NPAS3: variants seen among roughly 807,000 people sequenced by gnomAD.
NPAS3 encodes neuronal PAS domain-containing protein 3.
Under a neutral mutation model 73.1 loss-of-function variants are expected in NPAS3, and 14 were observed. That is an observed-to-expected ratio of 0.19 (90% CI 0.13 to 0.30). The LOEUF is 0.30. Among genes scored for constraint, NPAS3 ranks in the 10% least tolerant of loss-of-function variants. The pLI is 1.00. For synonymous variants in NPAS3, 620 were observed against 541.5 expected, an observed-to-expected ratio of 1.14 and a Z score of -2.01; for missense variants, 1,096 against 1,250.0, an observed-to-expected ratio of 0.88 and a Z score of 1.86.
In NPAS3 at chr14:33,028,439, G is replaced by C. The variant is rs368897510; in HGVS notation, c.51-27466G>C. On this transcript the variant is annotated intron_variant, in intron 1 of 11. Coordinates refer to ENST00000356141, the Ensembl canonical transcript of NPAS3. ...TAGTGGGAATGATAAAAAATAACAA[G>C]TGAGTGAATGCCACCACAAAATAAA... 1.2e-3 allele frequency among the ~76,000 whole-genome samples: 184 copies of C among 152,308 alleles called. 2 individuals are homozygous for C. Among genetic ancestry groups the C allele is most frequent in the Middle Eastern group, 6.8e-3 (2 of 294 alleles).
intron 2 of NPAS3, among the ~76,000 whole-genome samples, chr14:33,062,360 T>C (rs2041138246): frequency 6.6e-6 from 1 of 152,158 alleles, no homozygotes; most frequent in South Asian, 2.1e-4. Context: ...TTGTTTTTTA[T>C]TGATAAATAT....
At chr14:33,086,107 A>G (rs2042017010) in intron 2 of NPAS3, among the ~76,000 whole-genome samples, 1 of 152,228 alleles carries the variant, frequency 6.6e-6, no homozygotes, top group Non-Finnish European at 1.5e-5. Context: ...AGGATTGGAC[A>G]TGTCATTATA....
chr14:33,337,915 C>A (rs1163430951), intron 3 of NPAS3, among the ~76,000 whole-genome samples: 5 of 150,608 alleles, frequency 3.3e-5, no homozygotes, highest in Non-Finnish European at 5.9e-5. Flanking sequence ...GTATACTGAT[C>A]TTTTGTCCTG....
chr14:33,101,325 C>A (rs1032675869), intron 2 of NPAS3, among the ~76,000 whole-genome samples: 1 of 151,956 alleles, frequency 6.6e-6, no homozygotes, highest in Non-Finnish European at 1.5e-5. Flanking sequence ...AGTTATAAAT[C>A]CTTATCTTTA....
intron 3 of NPAS3, among the ~76,000 whole-genome samples, chr14:33,240,518 A>G (rs1247324961): frequency 6.6e-6 from 1 of 151,494 alleles, no homozygotes; most frequent in Non-Finnish European, 1.5e-5. Flanking sequence ...TTAATTCATC[A>G]TCAAGCTAAA....
At chr14:32,968,814 T>C (rs571120486) in intron 1 of NPAS3, among the ~76,000 whole-genome samples, 1 of 151,900 alleles carries the variant, frequency 6.6e-6, no homozygotes, top group Non-Finnish European at 1.5e-5. Flanking sequence ...GGGGTACCTG[T>C]GCAGGGTGTG....
intron 7 of NPAS3, among the ~76,000 whole-genome samples, chr14:33,754,544 A>T (rs2062057650): frequency 6.6e-6 from 1 of 152,122 alleles, no homozygotes. Context: ...GGTCAGAGGG[A>T]GACCATGGCT....
intron 7 of NPAS3, among the ~76,000 whole-genome samples, chr14:33,738,670 T>C (rs2140670670): frequency 6.6e-6 from 1 of 152,322 alleles, no homozygotes; most frequent in Middle Eastern, 3.4e-3. Context: ...TTCCCAAATA[T>C]GAGCTGACAT....
intron 2 of NPAS3, among the ~76,000 whole-genome samples, chr14:33,212,290 C>CATTCTGA (rs1424840173): frequency 6.6e-6 from 1 of 152,110 alleles, no homozygotes; most frequent in Non-Finnish European, 1.5e-5. Flanking sequence ...ACAGTGATAT[C>CATTCTGA]ATTCTGAAAG....
chr14:33,509,740 G>A (rs1196374942), intron 4 of NPAS3, among the ~76,000 whole-genome samples: 1 of 151,914 alleles, frequency 6.6e-6, no homozygotes, highest in Admixed American at 6.6e-5. Flanking sequence ...AACTAATGTC[G>A]GGAAACCTGC....
At position 33,543,739 on chromosome 14, in the gene NPAS3, T is replaced by C. The variant is rs1566988129; in HGVS notation, c.469-16382T>C. ...TCCCACCTCTGCTTTGAACATCACCTTGAGCACTATCATTCTGCTCTATGT... is the reference window on the plus strand; with the variant it reads ...TCCCACCTCTGCTTTGAACATCACCCTGAGCACTATCATTCTGCTCTATGT... On this transcript the variant is annotated intron_variant, in intron 4 of 11. Coordinates refer to ENST00000356141, the Ensembl canonical transcript of NPAS3. Among the ~76,000 whole-genome samples, 4 of 152,046 alleles carry C rather than the reference T, an allele frequency of 2.6e-5. No homozygotes were observed. In the South Asian group the frequency reaches 8.3e-4, roughly 32 times the overall value.
At chr14:33,707,612 G>A (rs1163889627) in intron 6 of NPAS3, among the ~76,000 whole-genome samples, 4 of 152,166 alleles carry the variant, frequency 2.6e-5, no homozygotes, top group Admixed American at 6.5e-5. Context: ...GAATGCAGTC[G>A]GGTGGAAAAG....
At chr14:33,154,158 C>T (rs2044562988) in intron 2 of NPAS3, among the ~76,000 whole-genome samples, 1 of 152,288 alleles carries the variant, frequency 6.6e-6, no homozygotes, top group African/African-American at 2.4e-5. Flanking sequence ...CATTTTGGCT[C>T]CTGGAGCCTG....
intron 4 of NPAS3, among the ~76,000 whole-genome samples, chr14:33,398,550 TGGATA>T (rs1455460459): frequency 6.6e-6 from 1 of 152,086 alleles, no homozygotes; most frequent in Non-Finnish European, 1.5e-5. Context: ...TTTTGTATGA[TGGATA>T]GATAACAAGG....
chr14:33,196,927 T>A (rs889518344), intron 2 of NPAS3, among the ~76,000 whole-genome samples: 7 of 152,192 alleles, frequency 4.6e-5, no homozygotes, highest in African/African-American at 1.7e-4. Context: ...TGTGTAAGAA[T>A]TGGCCTGGTA....
intron 5 of NPAS3, among the ~76,000 whole-genome samples, chr14:33,653,973 C>G (rs2140242882): frequency 6.6e-6 from 1 of 152,292 alleles, no homozygotes; most frequent in Middle Eastern, 3.4e-3. Context: ...AAGAGAAAGT[C>G]TCCCCACCTT....
chr14:33,526,194 T>C (rs2140139544), intron 4 of NPAS3, among the ~76,000 whole-genome samples: 1 of 152,250 alleles, frequency 6.6e-6, no homozygotes, highest in East Asian at 1.9e-4. Context: ...CTCTCAGAAA[T>C]GATTTTCTTT....
chr14:33,484,784 A>G (rs2051500929), intron 4 of NPAS3, among the ~76,000 whole-genome samples: 1 of 152,198 alleles, frequency 6.6e-6, no homozygotes, highest in African/African-American at 2.4e-5. Context: ...AGCCTGGCAC[A>G]TGCATGTCAC....
At chr14:33,631,694 C>T (rs1436723944) in intron 5 of NPAS3, among the ~76,000 whole-genome samples, 2 of 152,154 alleles carry the variant, frequency 1.3e-5, no homozygotes, top group African/African-American at 2.4e-5. Context: ...AGGAATTCTG[C>T]AGGCAGCATT....
Sources: allele counts gnomAD v4.1 joint callset (sites outside exome capture counted in the v4.1 genomes callset), GRCh38; gene constraint gnomAD v4.1.1; transcripts MANE v1.5; gene names NCBI Gene and HGNC (gene_info 2026-07-23, HGNC 2026-07-21).